The following MAF variants were observed in gnomAD, a reference collection of about 807,000 sequenced individuals.
MAF encodes transcription factor Maf.
A neutral mutation model predicts 22.0 loss-of-function variants in MAF; 10 were observed. The observed-to-expected ratio is 0.45, with a 90% CI of 0.28 to 0.77. The LOEUF is 0.77. Ranked by LOEUF, MAF falls within the 30% of genes least tolerant of loss-of-function variation. MAF has a pLI of 0.12. For synonymous variants in MAF, 337 were observed against 255.8 expected (o/e 1.32, Z -3.03); for missense variants, 544 against 548.4 (o/e 0.99, Z 0.08).
chr16:79,341,583 A>G, the MAF span, among the ~76,000 whole-genome samples: 1 of 152,230 alleles, frequency 6.6e-6, no homozygotes, highest in African/African-American at 2.4e-5. Flanking sequence ...GAGTGACTAT[A>G]TAGTTCAGCA....
the MAF span, among the ~76,000 whole-genome samples, chr16:79,280,810 C>T: frequency 6.6e-6 from 1 of 152,314 alleles, no homozygotes; most frequent in East Asian, 1.9e-4. Flanking sequence ...TCCCATTGTA[C>T]TCCTCAGGAA....
the MAF span, among the ~76,000 whole-genome samples, chr16:79,454,781 G>A: frequency 2.7e-5 from 4 of 150,552 alleles, no homozygotes; most frequent in African/African-American, 7.3e-5. Flanking sequence ...TGGAAAACAT[G>A]ATTCCATTTT....
the MAF span, among the ~76,000 whole-genome samples, chr16:79,224,070 G>C: frequency 6.6e-6 from 1 of 151,956 alleles, no homozygotes; most frequent in South Asian, 2.1e-4. Flanking sequence ...AAGAAAATTT[G>C]AGGCCGATAT....
At chr16:79,246,508 A>T in the MAF span, among the ~76,000 whole-genome samples, 4 of 121,596 alleles carry the variant, frequency 3.3e-5, no homozygotes, top group African/African-American at 9.8e-5. Flanking sequence ...GTTCCCTTTG[A>T]TATGTTTGGT....
At chr16:79,493,825 CTT>C in the MAF span, among the ~76,000 whole-genome samples, 1 of 151,848 alleles carries the variant, frequency 6.6e-6, no homozygotes, top group Admixed American at 6.6e-5. Flanking sequence ...CAAGGAAAGA[CTT>C]TGCTTCCCCC....
the MAF span, among the ~76,000 whole-genome samples, chr16:79,356,489 C>T: frequency 3.3e-5 from 5 of 152,186 alleles, no homozygotes; most frequent in African/African-American, 4.8e-5. Flanking sequence ...CTGCCTTCCT[C>T]ACGTGCCTTC....
At chr16:79,598,442 G>A in intron 1 of MAF, 3 of 1,241,576 alleles carry the variant, frequency 2.4e-6, no homozygotes, top group South Asian at 3.3e-5. Flanking sequence ...TCCGGGGGTG[G>A]GGCGGGGGGG....
At chr16:79,484,006 G>C in the MAF span, among the ~76,000 whole-genome samples, 1 of 152,184 alleles carries the variant, frequency 6.6e-6, no homozygotes, top group South Asian at 2.1e-4. Context: ...GTTAGATGGA[G>C]TGAGGGCAAG....
At chr16:79,414,349 G>A in the MAF span, among the ~76,000 whole-genome samples, 1 of 152,168 alleles carries the variant, frequency 6.6e-6, no homozygotes, top group African/African-American at 2.4e-5. Flanking sequence ...ATGGTAGCAG[G>A]CAAGGGGAGC....
At chr16:79,243,701 C>A in the MAF span, among the ~76,000 whole-genome samples, 7 of 152,140 alleles carry the variant, frequency 4.6e-5, no homozygotes, top group Admixed American at 2.6e-4. Context: ...AGGGAATCCT[C>A]CCTAACTCAT....
the MAF span, among the ~76,000 whole-genome samples, chr16:79,237,155 T>C: frequency 6.6e-6 from 1 of 152,020 alleles, no homozygotes; most frequent in South Asian, 2.1e-4. Context: ...TAATTACAGA[T>C]GAAATAATAA....
At chr16:79,526,098 C>G in the MAF span, among the ~76,000 whole-genome samples, 1 of 152,156 alleles carries the variant, frequency 6.6e-6, no homozygotes, top group African/African-American at 2.4e-5. Flanking sequence ...ATGAATCTTC[C>G]TGCCTCTTGT....
At chr16:79,269,027 T>C in the MAF span, among the ~76,000 whole-genome samples, 285 of 152,336 alleles carry the variant, frequency 1.9e-3, 2 homozygotes, top group African/African-American at 6.4e-3. Context: ...TATTTGCTAG[T>C]TTCCAATCTT....
chr16:79,404,242 C>T, the MAF span, among the ~76,000 whole-genome samples: 1 of 149,938 alleles, frequency 6.7e-6, no homozygotes, highest in Admixed American at 6.7e-5. Context: ...CGGCTCACTG[C>T]AACCTCCGCC....
chr16:79,440,784 A>G, the MAF span, among the ~76,000 whole-genome samples: 10 of 152,258 alleles, frequency 6.6e-5, no homozygotes, highest in Non-Finnish European at 4.4e-5. Context: ...TTTTTAACAT[A>G]TAAATTAAAG....
the MAF span, among the ~76,000 whole-genome samples, chr16:79,235,211 T>C: frequency 1.3e-5 from 2 of 152,054 alleles, no homozygotes; most frequent in Non-Finnish European, 2.9e-5. Flanking sequence ...TCAAAGCAGC[T>C]GGCAGTCAAT....
chr16:79,243,226 C>A, the MAF span, among the ~76,000 whole-genome samples: 1 of 151,670 alleles, frequency 6.6e-6, no homozygotes, highest in African/African-American at 2.4e-5. Flanking sequence ...GTGATAGAGA[C>A]ACAAAAAACC....
the MAF span, among the ~76,000 whole-genome samples, chr16:79,322,451 G>A: frequency 1.3e-5 from 2 of 152,084 alleles, no homozygotes; most frequent in Non-Finnish European, 2.9e-5. Flanking sequence ...CAGTAAGTTT[G>A]CTGCGTAAAA....
At chr16:79,310,490 G>A in the MAF span, among the ~76,000 whole-genome samples, 2 of 152,172 alleles carry the variant, frequency 1.3e-5, no homozygotes, top group African/African-American at 4.8e-5. Flanking sequence ...GGCCTAGGTT[G>A]ACCACCTTTA....
Sources: allele counts gnomAD v4.1 joint callset (sites outside exome capture counted in the v4.1 genomes callset), GRCh38; gene constraint gnomAD v4.1.1; transcripts MANE v1.5; gene names NCBI Gene and HGNC (gene_info 2026-07-23, HGNC 2026-07-21).